The following RAD51B variants were observed in gnomAD, a reference collection of about 807,000 sequenced individuals.
RAD51B encodes the protein DNA repair protein RAD51 homolog 2.
RAD51B carries 38 observed loss-of-function variants against 42.2 expected under a neutral mutation model. That is an observed-to-expected ratio of 0.90 (90% CI 0.70 to 1.18). The LOEUF (loss-of-function observed/expected upper bound fraction) is 1.18, where lower values mean the gene tolerates loss of function less well. Among genes scored for constraint, RAD51B ranks in the 50% most tolerant of loss-of-function variants. The probability of loss-of-function intolerance (pLI) is 0.00; values close to 1 mark genes in which losing one functional copy is unlikely to be tolerated. For missense variants in RAD51B, 373 were observed against 400.7 expected (o/e 0.93, Z 0.59); for synonymous variants, 154 against 145.2 (o/e 1.06, Z -0.43).
intron 11 of RAD51B, among the ~76,000 whole-genome samples, chr14:68,652,656 A>G (rs1233047828): frequency 3.3e-5 from 5 of 152,028 alleles, no homozygotes; most frequent in African/African-American, 4.8e-5. Flanking sequence ...CCATTCAATC[A>G]CCTCCTGTGT....
intron 7 of RAD51B, among the ~76,000 whole-genome samples, chr14:68,239,119 A>AT (rs1273752482): frequency 2.6e-5 from 4 of 152,230 alleles, no homozygotes; most frequent in African/African-American, 9.6e-5. Context: ...CCTTGTAGAA[A>AT]TACAGCCTCC....
intron 4 of RAD51B, among the ~76,000 whole-genome samples, chr14:67,855,306 A>T (rs747255593): frequency 1.3e-5 from 2 of 151,626 alleles, no homozygotes; most frequent in Admixed American, 6.6e-5. Context: ...TCTCGGCTCA[A>T]TGTAAGCTCC....
chr14:68,223,414 G>A (rs185422146), intron 7 of RAD51B, among the ~76,000 whole-genome samples: 1 of 152,336 alleles, frequency 6.6e-6, no homozygotes, highest in Admixed American at 6.5e-5. Flanking sequence ...ACACGTGTGT[G>A]CCTGGAAGCA....
chr14:68,562,755 G>C (rs1889220023), intron 10 of RAD51B: 5 of 985,162 alleles, frequency 5.1e-6, no homozygotes, highest in Non-Finnish European at 6.0e-6. Flanking sequence ...CATCACCAGG[G>C]CATATCTAAA....
chr14:68,108,626 A>T (rs995416085), intron 7 of RAD51B, among the ~76,000 whole-genome samples: 17 of 151,912 alleles, frequency 1.1e-4, no homozygotes. Context: ...ATGGGAAGGG[A>T]CAGTGACTAC....
chr14:68,476,201 G>A (rs1280288349), intron 10 of RAD51B, among the ~76,000 whole-genome samples: 1 of 152,174 alleles, frequency 6.6e-6, no homozygotes, highest in African/African-American at 2.4e-5. Context: ...CTTATTCCAA[G>A]TAGGATGACT....
intron 5 of RAD51B, among the ~76,000 whole-genome samples, chr14:67,879,074 A>G (rs904577036): frequency 6.6e-6 from 1 of 152,208 alleles, no homozygotes; most frequent in Non-Finnish European, 1.5e-5. Context: ...CCAGTAGAAC[A>G]TATATTAAGA....
chr14:68,174,854 T>G (rs1423729683), intron 7 of RAD51B, among the ~76,000 whole-genome samples: 1 of 152,224 alleles, frequency 6.6e-6, no homozygotes, highest in African/African-American at 2.4e-5. Context: ...AGGACTGAAC[T>G]GCATTACATA....
intron 10 of RAD51B, among the ~76,000 whole-genome samples, chr14:68,553,511 C>T (rs771048779): frequency 2.6e-5 from 4 of 151,880 alleles, no homozygotes; most frequent in African/African-American, 7.3e-5. Flanking sequence ...CAAAGAGAGG[C>T]GAGGTGGGGC....
intron 7 of RAD51B, among the ~76,000 whole-genome samples, chr14:68,171,378 C>G (rs1007114477): frequency 8.6e-5 from 13 of 152,000 alleles, no homozygotes; most frequent in African/African-American, 2.9e-4. Context: ...CAGCTCACTG[C>G]AACCTCTGCC....
intron 10 of RAD51B, among the ~76,000 whole-genome samples, chr14:68,539,354 T>A (rs1887826153): frequency 6.6e-6 from 1 of 152,146 alleles, no homozygotes; most frequent in Non-Finnish European, 1.5e-5. Context: ...CATCTTCCCC[T>A]TCTGCCCCAG....
intron 5 of RAD51B, among the ~76,000 whole-genome samples, chr14:67,871,219 A>C (rs1212158882): frequency 2.0e-5 from 3 of 152,218 alleles, no homozygotes; most frequent in African/African-American, 7.2e-5. Context: ...AAGAGAGAAG[A>C]ATCAAATAGA....
chr14:68,670,358 GC>G (rs1893130758), intron 11 of RAD51B, among the ~76,000 whole-genome samples: 1 of 152,096 alleles, frequency 6.6e-6, no homozygotes, highest in Non-Finnish European at 1.5e-5. Context: ...AGTGGCAAGT[GC>G]CCCCCGGCCC....
downstream of RAD51B, among the ~76,000 whole-genome samples, chr14:68,599,122 G>A (rs889084894): frequency 1.3e-5 from 2 of 152,170 alleles, no homozygotes; most frequent in African/African-American, 4.8e-5. Flanking sequence ...GGTGCTGACC[G>A]TCGGACATCG....
intron 11 of RAD51B, among the ~76,000 whole-genome samples, chr14:68,651,361 T>G (rs935244449): frequency 2.0e-5 from 3 of 152,156 alleles, no homozygotes; most frequent in African/African-American, 7.2e-5. Flanking sequence ...TATGTAAAGA[T>G]AAGGTTTTGC....
intron 8 of RAD51B, among the ~76,000 whole-genome samples, chr14:68,340,536 C>T (rs989531709): frequency 7.2e-5 from 11 of 152,238 alleles, no homozygotes; most frequent in Non-Finnish European, 1.3e-4. Context: ...TCTTCTCTTC[C>T]ACCCATAACT....
chr14:68,074,631 G>T (rs34911675), intron 7 of RAD51B, among the ~76,000 whole-genome samples: 2 of 152,150 alleles, frequency 1.3e-5, no homozygotes, highest in Admixed American at 6.5e-5. Flanking sequence ...GAGTTCTTGC[G>T]TTGGTTCTTT....
At chr14:68,012,292 A>G (rs2075697160) in intron 7 of RAD51B, among the ~76,000 whole-genome samples, 1 of 152,116 alleles carries the variant, frequency 6.6e-6, no homozygotes, top group Admixed American at 6.6e-5. Flanking sequence ...ATTTAAACTT[A>G]TAGTATTAAC....
chr14:68,669,960 G>A (rs1175759672), intron 11 of RAD51B, among the ~76,000 whole-genome samples: 2 of 152,192 alleles, frequency 1.3e-5, no homozygotes, highest in Non-Finnish European at 2.9e-5. Context: ...GTGGGACCAG[G>A]CCCTGGTGGG....
Sources: gnomAD v4.1 joint callset for allele counts (sites outside exome capture counted in the v4.1 genomes callset) on GRCh38, gnomAD v4.1.1 for gene constraint, MANE v1.5 for transcripts, NCBI Gene and HGNC (gene_info 2026-07-23, HGNC 2026-07-21) for gene names.